The following YTHDC2 variants were observed in gnomAD, a reference collection of about 807,000 sequenced individuals.
YTHDC2 encodes YTH N6-methyladenosine RNA binding protein C2, also known as 3'-5' RNA helicase YTHDC2.
In YTHDC2, 45 loss-of-function variants were observed where a neutral mutation model predicts 174.9. That is an observed-to-expected ratio of 0.26 (90% confidence interval 0.20 to 0.33). The LOEUF is 0.33. YTHDC2 is among the 10% of genes least tolerant of loss of function. YTHDC2 has a pLI of 1.00. For synonymous variants in YTHDC2, 657 were observed against 574.5 expected (o/e 1.14, Z -2.05); for missense variants, 1,650 against 1,723.7 (o/e 0.96, Z 0.76).
intron 6 of YTHDC2, among the ~76,000 whole-genome samples, chr5:113,535,076 T>G (rs1274865408): frequency 2.6e-5 from 4 of 152,210 alleles, no homozygotes; most frequent in African/African-American, 7.2e-5. Flanking sequence ...TATAATTTTT[T>G]GTAGTTTTAT....
At chr5:113,516,267 A>G (rs1327686724) in intron 2 of YTHDC2, among the ~76,000 whole-genome samples, 1 of 152,220 alleles carries the variant, frequency 6.6e-6, no homozygotes, top group East Asian at 1.9e-4. Context: ...GCTTTAGAGC[A>G]TATGTTCATT....
At chr5:113,547,731 A>G (rs887559764) in intron 10 of YTHDC2, among the ~76,000 whole-genome samples, 35 of 152,222 alleles carry the variant, frequency 2.3e-4, no homozygotes, top group African/African-American at 7.7e-4. Flanking sequence ...ACACTGATGT[A>G]TATTGATAAT....
chr5:113,588,221 C>G (rs909133012), intron 26 of YTHDC2, among the ~76,000 whole-genome samples: 4 of 151,940 alleles, frequency 2.6e-5, no homozygotes, highest in African/African-American at 9.7e-5. Flanking sequence ...TCTCTCTGGC[C>G]AGAGCCTCCA....
chr5:113,532,675 T>C (rs543544797), intron 4 of YTHDC2, among the ~76,000 whole-genome samples: 1 of 152,338 alleles, frequency 6.6e-6, no homozygotes, highest in African/African-American at 2.4e-5. Flanking sequence ...ATTTTAGATA[T>C]TTTAGCTTTA....
intron 2 of YTHDC2, among the ~76,000 whole-genome samples, chr5:113,523,536 T>A (rs1012696915): frequency 9.9e-5 from 15 of 152,184 alleles, no homozygotes; most frequent in Non-Finnish European, 1.9e-4. Flanking sequence ...TTCAATAATT[T>A]GAATTTATCA....
At chr5:113,538,194 T>C (rs956426637) in intron 7 of YTHDC2, among the ~76,000 whole-genome samples, 1 of 152,220 alleles carries the variant, frequency 6.6e-6, no homozygotes, top group African/African-American at 2.4e-5. Flanking sequence ...ATTATTAATC[T>C]CATTCAGGTT....
chr5:113,521,282 C>T lies in YTHDC2; in HGVS notation c.279-3699C>T, dbSNP rs115726093. Among the ~76,000 whole-genome samples the T allele has an allele frequency of 3.0e-3, 452 of 152,276 alleles. 2 individuals are homozygous for T. The highest frequency in any genetic ancestry group is 0.01 in the African/African-American group (424 of 41,554). On this transcript the variant is annotated intron_variant, in intron 2 of 29. Transcript: ENST00000161863. ...AATTTTCCTGAGATCACACAGCTAG[C>T]AAGTGGCAGAGCCAGGATTTGAACA...
intron 1 of YTHDC2, among the ~76,000 whole-genome samples, chr5:113,514,715 CG>C (rs1266822521): frequency 6.6e-6 from 1 of 151,904 alleles, no homozygotes; most frequent in African/African-American, 2.4e-5. Context: ...TAGTCCAAAA[CG>C]GGGAATGTTC....
At position 113,513,744 on chromosome 5, in the gene YTHDC2, G is replaced by A; in HGVS notation, c.-152G>A. Reference sequence around the variant, plus strand: ...TGGCGCAGGCTTCACTTCTGCTGTGGCGGTGACTGAGGCCTTTCTGGTGAC... The same window carrying A: ...TGGCGCAGGCTTCACTTCTGCTGTGACGGTGACTGAGGCCTTTCTGGTGAC... On this transcript the variant is annotated 5_prime_UTR_variant, in exon 1 of 30. It introduces an in-frame stop codon into an upstream open reading frame of the 5' UTR. Coordinates refer to ENST00000161863, the MANE Select transcript of YTHDC2 (RefSeq NM_022828.5). 2 of 769,532 alleles carry A rather than the reference G, an allele frequency of 2.6e-6. No homozygotes were observed. The highest frequency in any genetic ancestry group is 3.9e-5 in the South Asian group (2 of 50,870). 47.7% of individuals were successfully genotyped at this position (769,532 alleles called of 1,614,324 possible). A position where few individuals can be genotyped will look rare whatever the true frequency, so the allele number is the denominator to read the frequency against.
intron 4 of YTHDC2, among the ~76,000 whole-genome samples, chr5:113,532,492 T>A (rs1294555374): frequency 6.6e-6 from 1 of 152,208 alleles, no homozygotes; most frequent in Non-Finnish European, 1.5e-5. Flanking sequence ...TTTTAATTTT[T>A]ATTTTATTGA....
At chr5:113,557,478 G>A (rs1776689938) in intron 17 of YTHDC2, among the ~76,000 whole-genome samples, 1 of 152,134 alleles carries the variant, frequency 6.6e-6, no homozygotes. Context: ...TAAGCTGGAT[G>A]TCCCTGCTAT....
At chr5:113,563,107 A>G (rs1324857441) in intron 18 of YTHDC2, among the ~76,000 whole-genome samples, 3 of 151,674 alleles carry the variant, frequency 2.0e-5, no homozygotes, top group Non-Finnish European at 4.4e-5. Context: ...AATGTTATGT[A>G]TACGAACAGT....
At chr5:113,580,617 AT>A (rs1778343097) in intron 24 of YTHDC2, among the ~76,000 whole-genome samples, 1 of 152,166 alleles carries the variant, frequency 6.6e-6, no homozygotes. Context: ...TCTCACTTCC[AT>A]TCCCACCAAT....
intron 19 of YTHDC2, 45 bp from the exon 20 acceptor site, chr5:113,563,814 A>C (rs1777163347): frequency 6.3e-7 from 1 of 1,599,946 alleles, no homozygotes; most frequent in Non-Finnish European, 8.5e-7. Context: ...GTTTTGATTA[A>C]ACAGTTTGCT....
At chr5:113,577,959 G>A (rs1005614080) in intron 23 of YTHDC2, among the ~76,000 whole-genome samples, 5 of 152,012 alleles carry the variant, frequency 3.3e-5, no homozygotes, top group Admixed American at 2.0e-4. Context: ...TTTGGATTTT[G>A]TATTTATTGA....
In YTHDC2 at chr5:113,579,708, C is replaced by G. The variant is rs1030519045; in HGVS notation, c.3354+13C>G. ...ACTGGAGCCAGAGGTAAGTTGCTTT[C>G]AAGTAGTGTAATAAATTTCTTTCAT... On this transcript the variant is annotated intron_variant, in intron 24 of 29. Coordinates refer to ENST00000161863, the MANE Select transcript of YTHDC2 (RefSeq NM_022828.5). 3.8e-6 allele frequency: 6 copies of G among 1,588,404 alleles called. No homozygotes were observed. Among genetic ancestry groups the G allele is most frequent in the Middle Eastern group, 1.7e-4 (1 of 5,942 alleles).
At chr5:113,515,764 A>G (rs578224270) in intron 2 of YTHDC2, among the ~76,000 whole-genome samples, 2 of 152,234 alleles carry the variant, frequency 1.3e-5, no homozygotes, top group Non-Finnish European at 2.9e-5. Flanking sequence ...AATAAAGAAC[A>G]ATGAATTTAT....
At position 113,519,438 on chromosome 5, in the gene YTHDC2, A is replaced by G. The variant is rs148277512; in HGVS notation, c.278+4076A>G. 6.2e-3 allele frequency among the ~76,000 whole-genome samples: 947 copies of G among 152,286 alleles called. 9 individuals carry two copies. The highest frequency in any genetic ancestry group is 8.9e-3 in the Non-Finnish European group (606 of 68,012). On this transcript the variant is annotated intron_variant, in intron 2 of 29. Transcript: ENST00000161863. ...TTGTTTATAATGAAAACAAAATCCCATCTCGATTTTTCTCAGTCCAAGTTA... is the reference window on the plus strand; with the variant it reads ...TTGTTTATAATGAAAACAAAATCCCGTCTCGATTTTTCTCAGTCCAAGTTA...
chr5:113,541,433 C>A (rs1775458862), intron 9 of YTHDC2, among the ~76,000 whole-genome samples: 1 of 152,026 alleles, frequency 6.6e-6, no homozygotes, highest in Non-Finnish European at 1.5e-5. Flanking sequence ...TCTCGTGATC[C>A]ACCCGCCTCG....
Sources: allele counts gnomAD v4.1 joint callset (sites outside exome capture counted in the v4.1 genomes callset), GRCh38; gene constraint gnomAD v4.1.1; transcripts MANE v1.5; gene names NCBI Gene and HGNC (gene_info 2026-07-23, HGNC 2026-07-21).